Variants in GRM8 observed in about 807,000 individuals in gnomAD.
GRM8 encodes the protein glutamate metabotropic receptor 8, also known as metabotropic glutamate receptor 8.
In GRM8, 47 loss-of-function variants were observed where a neutral mutation model predicts 87.2. The observed-to-expected ratio is 0.54, with a 90% CI of 0.43 to 0.69. The LOEUF is 0.69. Ranked by LOEUF, GRM8 falls within the 30% of genes least tolerant of loss-of-function variation. The pLI, the probability that GRM8 is intolerant of heterozygous loss-of-function variation, is 0.00. For missense variants in GRM8, 1,019 were observed against 1,139.2 expected, an observed-to-expected ratio of 0.89 and a Z score of 1.52; for synonymous variants, 396 against 404.5, an observed-to-expected ratio of 0.98 and a Z score of 0.25.
At chr7:126,585,614 T>C (rs557308029) in intron 8 of GRM8, among the ~76,000 whole-genome samples, 2 of 152,296 alleles carry the variant, frequency 1.3e-5, no homozygotes, top group African/African-American at 4.8e-5. Flanking sequence ...GAAAATGCCT[T>C]TGAAAAAATT....
intron 3 of GRM8, among the ~76,000 whole-genome samples, chr7:126,908,706 G>A (rs1260852566): frequency 6.6e-6 from 1 of 152,198 alleles, no homozygotes; most frequent in Non-Finnish European, 1.5e-5. Context: ...AGCTGAGTTA[G>A]CTGAGTTGAA....
chr7:126,639,285 T>C (rs10954127), intron 7 of GRM8, among the ~76,000 whole-genome samples: 46,768 of 151,948 alleles, frequency 0.31, 8,072 homozygotes, highest in East Asian at 0.43. Flanking sequence ...GGTCACAAAT[T>C]GTAAGAGGTA....
intron 2 of GRM8, among the ~76,000 whole-genome samples, chr7:127,120,322 G>A (rs17862297): frequency 9.5e-4 from 144 of 152,308 alleles, no homozygotes; most frequent in Non-Finnish European, 1.6e-3. Context: ...GAAAACAAAT[G>A]CTTATATGTT....
chr7:127,189,437 G>A (rs904624643), intron 2 of GRM8, among the ~76,000 whole-genome samples: 1 of 151,970 alleles, frequency 6.6e-6, no homozygotes, highest in Non-Finnish European at 1.5e-5. Flanking sequence ...TTTCTTTTTC[G>A]TTCTCCTGAT....
chr7:126,645,063 T>G (rs1205185430), intron 7 of GRM8, among the ~76,000 whole-genome samples: 2 of 152,202 alleles, frequency 1.3e-5, no homozygotes, highest in South Asian at 2.1e-4. Flanking sequence ...TAGTTTATAG[T>G]TTAACTTGAA....
intron 3 of GRM8, among the ~76,000 whole-genome samples, chr7:126,965,252 A>G (rs1809729177): frequency 6.6e-6 from 1 of 152,184 alleles, no homozygotes; most frequent in African/African-American, 2.4e-5. Flanking sequence ...TGACACGAAT[A>G]TACTTATGTA....
intron 6 of GRM8, among the ~76,000 whole-genome samples, chr7:126,775,555 T>A (rs983375423): frequency 3.0e-5 from 4 of 134,278 alleles, no homozygotes; most frequent in Admixed American, 8.6e-5. Flanking sequence ...AGGGGGAACA[T>A]AAGGTAGAAA....
intron 7 of GRM8, among the ~76,000 whole-genome samples, chr7:126,620,989 G>A (rs1800108164): frequency 6.6e-6 from 1 of 151,684 alleles, no homozygotes; most frequent in Admixed American, 6.6e-5. Context: ...GGAAAAGCAG[G>A]AAAAAAATAA....
intron 8 of GRM8, among the ~76,000 whole-genome samples, chr7:126,601,134 A>G (rs1797711389): frequency 1.5e-5 from 2 of 135,182 alleles, no homozygotes; most frequent in East Asian, 2.2e-4. Flanking sequence ...TCCTGTGTCC[A>G]TGTGATCTCA....
intron 9 of GRM8, among the ~76,000 whole-genome samples, chr7:126,463,223 C>T (rs1804087360): frequency 6.6e-6 from 1 of 151,612 alleles, no homozygotes; most frequent in Non-Finnish European, 1.5e-5. Flanking sequence ...CTGAATCACT[C>T]CATGGAAGAA....
intron 9 of GRM8, among the ~76,000 whole-genome samples, chr7:126,471,287 A>T (rs1162875392): frequency 6.6e-6 from 1 of 152,088 alleles, no homozygotes; most frequent in Non-Finnish European, 1.5e-5. Context: ...CTGAATGGTA[A>T]TGCCTAGGTT....
At chr7:126,784,591 G>T (rs924748251) in intron 6 of GRM8, among the ~76,000 whole-genome samples, 6 of 152,112 alleles carry the variant, frequency 3.9e-5, no homozygotes, top group Non-Finnish European at 4.4e-5. Context: ...ATGTACACAC[G>T]TTCCTAAATA....
chr7:127,135,259 C>A (rs1428462586), intron 2 of GRM8, among the ~76,000 whole-genome samples: 2 of 151,816 alleles, frequency 1.3e-5, no homozygotes, highest in Non-Finnish European at 2.9e-5. Context: ...CTAAGAATGC[C>A]CATTTCCATA....
chr7:126,832,554 CT>C (rs1311779147), intron 6 of GRM8, among the ~76,000 whole-genome samples: 1 of 152,128 alleles, frequency 6.6e-6, no homozygotes, highest in Admixed American at 6.5e-5. Flanking sequence ...TGTTTGCCTA[CT>C]TTTTAAAAAT....
At chr7:127,093,493 A>G (rs1188711966) in intron 3 of GRM8, among the ~76,000 whole-genome samples, 1 of 152,136 alleles carries the variant, frequency 6.6e-6, no homozygotes, top group African/African-American at 2.4e-5. Context: ...ATTCTGAACA[A>G]CCCTATTTCC....
chr7:127,032,719 T>C (rs915033245), intron 3 of GRM8, among the ~76,000 whole-genome samples: 1 of 152,138 alleles, frequency 6.6e-6, no homozygotes, highest in Non-Finnish European at 1.5e-5. Context: ...CCATTCCCTT[T>C]GCAGAACTCC....
chr7:126,499,378 T>C (rs1809288360), intron 9 of GRM8, among the ~76,000 whole-genome samples: 1 of 148,872 alleles, frequency 6.7e-6, no homozygotes, highest in South Asian at 2.1e-4. Flanking sequence ...TGTAAATTAG[T>C]AAAACCATTT....
Position 126,959,151 on chromosome 7 carries a change from A to T in GRM8, c.728-54468T>A, listed in dbSNP as rs150697718. On this transcript the variant is annotated intron_variant, in intron 3 of 10. Coordinates refer to ENST00000339582, the MANE Select transcript of GRM8 (RefSeq NM_000845.3). ...GTGAAGACTATTAGCTGTAATACACAGGGTCTTGTGAATCCACAAAAATTT... is the reference window on the plus strand; with the variant it reads ...GTGAAGACTATTAGCTGTAATACACTGGGTCTTGTGAATCCACAAAAATTT... 1.4e-3 allele frequency among the ~76,000 whole-genome samples: 218 copies of T among 152,354 alleles called. 1 individual carries two copies. Among genetic ancestry groups the T allele is most frequent in the African/African-American group, 5.1e-3 (213 of 41,584 alleles).
chr7:126,483,115 CTAAA>C (rs1410208838), intron 9 of GRM8, among the ~76,000 whole-genome samples: 1 of 147,414 alleles, frequency 6.8e-6, no homozygotes, highest in Non-Finnish European at 1.5e-5. Flanking sequence ...AAATATATAA[CTAAA>C]TATATATAAT....
Sources: gnomAD v4.1 joint callset for allele counts (sites outside exome capture counted in the v4.1 genomes callset) on GRCh38, gnomAD v4.1.1 for gene constraint, MANE v1.5 for transcripts, NCBI Gene and HGNC (gene_info 2026-07-23, HGNC 2026-07-21) for gene names.